The following SHLD2 variants were observed in gnomAD, a reference collection of about 807,000 sequenced individuals.
The protein encoded by SHLD2 is RINN1-REV7-interacting novel NHEJ regulator 2.
A neutral mutation model predicts 73.2 loss-of-function variants in SHLD2; 30 were observed. The observed-to-expected ratio is 0.41, with a 90% CI of 0.31 to 0.56. The LOEUF (loss-of-function observed/expected upper bound fraction) is 0.56, where lower values mean the gene tolerates loss of function less well. Among genes scored for constraint, SHLD2 ranks in the 20% least tolerant of loss-of-function variants. The probability of loss-of-function intolerance (pLI) is 0.28; values close to 1 mark genes in which losing one functional copy is unlikely to be tolerated. For missense variants in SHLD2, 745 were observed against 1,055.9 expected (o/e 0.71, Z 4.08); for synonymous variants, 285 against 370.1 (o/e 0.77, Z 2.64).
chr10:87,185,095 A>G (rs1848535143), intron 8 of SHLD2, among the ~76,000 whole-genome samples: 1 of 151,976 alleles, frequency 6.6e-6, no homozygotes, highest in Non-Finnish European at 1.5e-5. Flanking sequence ...ATGCCCCTCA[A>G]CCTATGGCAA....
At chr10:87,104,433 G>A (rs1386676250) in intron 2 of SHLD2, among the ~76,000 whole-genome samples, 1 of 151,442 alleles carries the variant, frequency 6.6e-6, no homozygotes, top group Non-Finnish European at 1.5e-5. Context: ...TGTAATCCAA[G>A]CTACTTGGGA....
chr10:87,147,483 T>C (rs920304924), intron 2 of SHLD2, among the ~76,000 whole-genome samples: 1 of 151,898 alleles, frequency 6.6e-6, no homozygotes, highest in Non-Finnish European at 1.5e-5. Context: ...AATTTGGACT[T>C]CATTATTGTC....
intron 4 of SHLD2, among the ~76,000 whole-genome samples, chr10:87,168,279 A>G (rs1211584889): frequency 6.6e-6 from 1 of 152,154 alleles, no homozygotes; most frequent in Non-Finnish European, 1.5e-5. Flanking sequence ...CATATACACC[A>G]TGGAATTCTA....
intron 2 of SHLD2, among the ~76,000 whole-genome samples, chr10:87,101,270 G>T (rs1214722537): frequency 6.6e-6 from 1 of 152,160 alleles, no homozygotes; most frequent in Non-Finnish European, 1.5e-5. Context: ...CTATACCCTT[G>T]TGTATATTTG....
In SHLD2 at chr10:87,151,631, G is replaced by T. The variant is rs779061912; in HGVS notation, c.277G>T (p.Val93Leu). Residue 93 changes from valine to leucine, a missense_variant, in exon 3 of 10, where the codon GTA becomes TTA. By Grantham distance (32) the Val-to-Leu change is conservative (BLOSUM62 1). Transcript: ENST00000298786. ...ACATGTTCATGTGAAAGATGACTTTGTACGTTCTGTTTCTGAAACACAGAA... is the reference window on the plus strand; with the variant it reads ...ACATGTTCATGTGAAAGATGACTTTTTACGTTCTGTTTCTGAAACACAGAA... ...NRHVHVKDDF[V>L]RSVSETQNIE... 3.8e-5 allele frequency: 62 copies of T among 1,611,710 alleles called. No homozygotes were observed. Among genetic ancestry groups the T allele is most frequent in the Non-Finnish European group, 4.9e-5 (58 of 1,179,720 alleles).
chr10:87,172,796 A>G (rs1211701745), intron 6 of SHLD2, among the ~76,000 whole-genome samples: 1 of 152,050 alleles, frequency 6.6e-6, no homozygotes, highest in Non-Finnish European at 1.5e-5. Flanking sequence ...ATAGTATCTC[A>G]TTTTAATAAA....
At chr10:87,164,741 A>G (rs1423027746) in intron 4 of SHLD2, among the ~76,000 whole-genome samples, 1 of 152,084 alleles carries the variant, frequency 6.6e-6, no homozygotes, top group African/African-American at 2.4e-5. Context: ...GAAAATAATG[A>G]TAGTATTGGA....
chr10:87,105,552 T>A (rs1002562214), intron 2 of SHLD2, among the ~76,000 whole-genome samples: 1 of 152,182 alleles, frequency 6.6e-6, no homozygotes, highest in African/African-American at 2.4e-5. Context: ...TAAAAATGGC[T>A]TAAAGGAAAG....
chr10:87,104,734 C>A (rs1220716413), intron 2 of SHLD2, among the ~76,000 whole-genome samples: 2 of 151,224 alleles, frequency 1.3e-5, no homozygotes, highest in African/African-American at 4.9e-5. Flanking sequence ...AATCTCGGCT[C>A]GCTGCAACCT....
intron 2 of SHLD2, among the ~76,000 whole-genome samples, chr10:87,146,056 A>G (rs1845584990): frequency 6.6e-6 from 1 of 152,172 alleles, no homozygotes; most frequent in Non-Finnish European, 1.5e-5. Context: ...TAGTAGCAGT[A>G]GCCTTTGGTA....
At chr10:87,176,984 A>G (rs1263855258) in intron 7 of SHLD2, among the ~76,000 whole-genome samples, 2 of 151,954 alleles carry the variant, frequency 1.3e-5, no homozygotes, top group Admixed American at 6.6e-5. Context: ...TAAAAATTTC[A>G]TACTATTTTC....
At chr10:87,123,644 T>C (rs4934301) in intron 2 of SHLD2, among the ~76,000 whole-genome samples, 104,801 of 152,004 alleles carry the variant, frequency 0.69, 36,738 homozygotes, top group East Asian at 0.84. Flanking sequence ...TATATATGTC[T>C]CCACCAAATC....
chr10:87,129,514 A>T (rs1416961644), intron 2 of SHLD2, among the ~76,000 whole-genome samples: 4 of 151,980 alleles, frequency 2.6e-5, no homozygotes, highest in Non-Finnish European at 5.9e-5. Flanking sequence ...TAGATGCTGA[A>T]TTATCTTGAC....
chr10:87,168,055 T>G (rs1184665027), intron 4 of SHLD2, among the ~76,000 whole-genome samples: 1 of 152,220 alleles, frequency 6.6e-6, no homozygotes, highest in African/African-American at 2.4e-5. Flanking sequence ...CAGCCGCTGT[T>G]GAAAACAGTT....
chr10:87,131,065 T>TCAAAAA (rs142909512), intron 2 of SHLD2, among the ~76,000 whole-genome samples: 2 of 152,102 alleles, frequency 1.3e-5, no homozygotes, highest in East Asian at 3.9e-4. Context: ...AGACCCCATC[T>TCAAAAA]CAAAAACAAA....
intron 2 of SHLD2, among the ~76,000 whole-genome samples, chr10:87,132,782 A>G (rs1286594549): frequency 6.6e-6 from 1 of 152,070 alleles, no homozygotes; most frequent in Non-Finnish European, 1.5e-5. Context: ...TCAAAAACAA[A>G]ACGAAACAAA....
intron 2 of SHLD2, among the ~76,000 whole-genome samples, chr10:87,099,287 T>C (rs895973151): frequency 1.3e-5 from 2 of 152,228 alleles, no homozygotes; most frequent in Non-Finnish European, 2.9e-5. Flanking sequence ...TGTTAGGATT[T>C]AGAAAAACAT....
chr10:87,182,684 G>C (rs1343469978), intron 8 of SHLD2, among the ~76,000 whole-genome samples: 1 of 152,038 alleles, frequency 6.6e-6, no homozygotes, highest in African/African-American at 2.4e-5. Context: ...CACAATTAAG[G>C]CTCCTATTTA....
intron 2 of SHLD2, among the ~76,000 whole-genome samples, chr10:87,117,635 A>C (rs1843335000): frequency 6.6e-6 from 1 of 152,058 alleles, no homozygotes; most frequent in Admixed American, 6.5e-5. Flanking sequence ...TTCTACAAAA[A>C]ATACAAAAAA....
Sources: allele counts gnomAD v4.1 joint callset (sites outside exome capture counted in the v4.1 genomes callset), GRCh38; gene constraint gnomAD v4.1.1; transcripts MANE v1.5; gene names NCBI Gene and HGNC (gene_info 2026-07-23, HGNC 2026-07-21).